Variants in YTHDC2 observed in about 807,000 individuals in gnomAD.
The protein encoded by YTHDC2 is 3'-5' RNA helicase YTHDC2.
A neutral mutation model predicts 174.9 loss-of-function variants in YTHDC2; 45 were observed. The observed-to-expected ratio is 0.26, with a 90% confidence interval of 0.20 to 0.33. YTHDC2 has a LOEUF of 0.33. Among genes scored for constraint, YTHDC2 ranks in the 10% least tolerant of loss-of-function variants. The probability of loss-of-function intolerance (pLI) is 1.00; values close to 1 mark genes in which losing one functional copy is unlikely to be tolerated. For missense variants in YTHDC2, 1,650 were observed against 1,723.7 expected (o/e 0.96, Z 0.76); for synonymous variants, 657 against 574.5 (o/e 1.14, Z -2.05).
chr5:113,530,822 C>A (rs1289399490), intron 4 of YTHDC2, among the ~76,000 whole-genome samples: 1 of 151,058 alleles, frequency 6.6e-6, no homozygotes, highest in Non-Finnish European at 1.5e-5. Context: ...TGTTATTTTT[C>A]TTTCTCTGTA....
intron 17 of YTHDC2, 125 bp downstream of exon 17, chr5:113,556,259 A>G (rs755556508): frequency 1.4e-5 from 7 of 498,268 alleles, no homozygotes; most frequent in Non-Finnish European, 2.4e-5. Context: ...AAATTTTTAT[A>G]TTATTTTTGC....
At chr5:113,561,298 C>A (rs1469343445) in intron 18 of YTHDC2, 113 bp downstream of exon 18, 2 of 730,176 alleles carry the variant, frequency 2.7e-6, no homozygotes, top group East Asian at 2.8e-5. Flanking sequence ...CAAAATTATT[C>A]AATATATATT....
chr5:113,584,737 G>C (rs1778581729), intron 26 of YTHDC2, among the ~76,000 whole-genome samples: 1 of 150,224 alleles, frequency 6.7e-6, no homozygotes, highest in Non-Finnish European at 1.5e-5. Flanking sequence ...CATGTAGGTA[G>C]GCTGTTTATT....
At chr5:113,579,871 A>G in intron 24 of YTHDC2, 176 bp downstream of exon 24, 1 of 985,384 alleles carries the variant, frequency 1.0e-6, no homozygotes, top group Non-Finnish European at 1.2e-6. Context: ...GTTTATTCCA[A>G]CAGAGGACTT....
At chr5:113,535,204 A>G (rs1322172455) in intron 6 of YTHDC2, among the ~76,000 whole-genome samples, 1 of 152,198 alleles carries the variant, frequency 6.6e-6, no homozygotes, top group Non-Finnish European at 1.5e-5. Flanking sequence ...TCTGTTGAAC[A>G]TGTACAGACT....
intron 26 of YTHDC2, among the ~76,000 whole-genome samples, chr5:113,589,434 T>C (rs1231439374): frequency 6.9e-6 from 1 of 145,588 alleles, no homozygotes; most frequent in Non-Finnish European, 1.5e-5. Flanking sequence ...TATATATATG[T>C]ATATATATCT....
chr5:113,551,548 A>G (rs937696435), intron 12 of YTHDC2, among the ~76,000 whole-genome samples: 2 of 152,114 alleles, frequency 1.3e-5, no homozygotes, highest in African/African-American at 4.8e-5. Context: ...CTTAAAATTT[A>G]TAAGAGCTGA....
chr5:113,591,334 A>AT, intron 27 of YTHDC2, 90 bp downstream of exon 27: 2 of 1,315,004 alleles, frequency 1.5e-6, no homozygotes, highest in Non-Finnish European at 2.2e-6. Flanking sequence ...TTTTCATTGC[A>AT]TCAGAATGCA....
intron 16 of YTHDC2, among the ~76,000 whole-genome samples, chr5:113,555,035 T>C (rs1580568965): frequency 6.6e-6 from 1 of 151,908 alleles, no homozygotes; most frequent in Admixed American, 6.6e-5. Context: ...TGCTTTATAA[T>C]TGAATAAAGG....
At chr5:113,529,267 A>G (rs1774490987) in intron 4 of YTHDC2, among the ~76,000 whole-genome samples, 1 of 152,198 alleles carries the variant, frequency 6.6e-6, no homozygotes, top group Non-Finnish European at 1.5e-5. Context: ...AAATTTACGG[A>G]TGTTAATCTA....
At chr5:113,523,584 A>G (rs1751619491) in intron 2 of YTHDC2, among the ~76,000 whole-genome samples, 1 of 152,132 alleles carries the variant, frequency 6.6e-6, no homozygotes, top group Non-Finnish European at 1.5e-5. Flanking sequence ...GTTAAATTTT[A>G]TTTCATCTTT....
At chr5:113,520,325 G>T (rs1034730763) in intron 2 of YTHDC2, among the ~76,000 whole-genome samples, 2 of 152,030 alleles carry the variant, frequency 1.3e-5, no homozygotes, top group African/African-American at 4.8e-5. Context: ...TGTTTTTTAT[G>T]AAACTAGTAT....
chr5:113,539,131 C>A lies in YTHDC2; in HGVS notation c.1160C>A (p.Thr387Asn). ...EMFLEDILRT[T>N]GYTNKEMLKY... Reference sequence around the variant, plus strand: ...TTTCTGGAAGATATTTTAAGAACAACTGGATATACAAACAAAGAAATGTTA... The same window carrying A: ...TTTCTGGAAGATATTTTAAGAACAAATGGATATACAAACAAAGAAATGTTA... Residue 387 changes from threonine to asparagine, a missense_variant, in exon 8 of 30, where the codon ACT (threonine) becomes AAT (asparagine). Around this residue, in one of 5 missense-constraint regions of YTHDC2, gnomAD observed 411 missense variants for 380.6 expected, o/e 1.08. Coordinates refer to ENST00000161863, the MANE Select transcript of YTHDC2 (RefSeq NM_022828.5). 7.0e-7 allele frequency: 1 copy of A among 1,432,236 alleles called. No homozygotes were observed. 88.7% of individuals were successfully genotyped at this position (1,432,236 alleles called of 1,614,324 possible).
chr5:113,589,913 A>G (rs908991134), intron 26 of YTHDC2, among the ~76,000 whole-genome samples: 1 of 151,652 alleles, frequency 6.6e-6, no homozygotes, highest in Non-Finnish European at 1.5e-5. Context: ...TTTTTCTTTT[A>G]CTTTTCTTTC....
At chr5:113,580,837 A>G (rs1406041294) in intron 24 of YTHDC2, among the ~76,000 whole-genome samples, 3 of 151,840 alleles carry the variant, frequency 2.0e-5, no homozygotes, top group Non-Finnish European at 4.4e-5. Flanking sequence ...ATCTTTCTTA[A>G]TTCTTTCTCT....
rs758300367 is a variant in YTHDC2, at chr5:113,553,622, G to A, written c.1900G>A (p.Glu634Lys). 7 of 1,613,328 alleles carry A rather than the reference G, an allele frequency of 4.3e-6. No individual in the cohort carries two copies. Among genetic ancestry groups the A allele is most frequent in the South Asian group, 1.1e-5 (1 of 91,066 alleles). The change falls in exon 14 of 30, where the codon GAA (glutamate) becomes AAA (lysine). Residue 634 changes from glutamate (E) to lysine (K), a missense_variant. Glu to Lys is a moderately conservative substitution (Grantham distance 56, BLOSUM62 1). Coordinates refer to ENST00000161863, the MANE Select transcript of YTHDC2 (RefSeq NM_022828.5). ...ACTAATTTTTCTGCCTGGATATGAC[G>A]AAATTGTTGGACTGAGAGATCGCAT... ...AVLIFLPGYDEIVGLRDRILF... is the reference protein window; with the variant it reads ...AVLIFLPGYDKIVGLRDRILF...
chr5:113,575,029 A>G lies in YTHDC2; in HGVS notation c.3245-4557A>G, dbSNP rs576653606. 5.3e-5 allele frequency among the ~76,000 whole-genome samples: 8 copies of G among 151,480 alleles called. No homozygotes were observed. The South Asian group carries it at 1.0e-3, about 20-fold the overall frequency. On this transcript the variant is annotated intron_variant, in intron 23 of 29. Transcript: ENST00000161863. ...CCTGTGTGGGCTGTCGCCTTCACCT[A>G]CTTTTCTTCATTCTCCATGGGTTGA...
At chr5:113,514,806 A>T (rs13356509) in intron 1 of YTHDC2, among the ~76,000 whole-genome samples, 15,351 of 152,292 alleles carry the variant, frequency 0.1, 1,231 homozygotes, top group African/African-American at 0.22. Context: ...AAATAGTGAA[A>T]TACGAATTCT....
At chr5:113,532,273 CT>C (rs1029319079) in intron 4 of YTHDC2, among the ~76,000 whole-genome samples, 9 of 151,364 alleles carry the variant, frequency 5.9e-5, no homozygotes, top group South Asian at 2.1e-4. Context: ...TTGTGTAAAA[CT>C]TTTTTTTTCT....
Sources: allele counts gnomAD v4.1 joint callset (sites outside exome capture counted in the v4.1 genomes callset), GRCh38; gene constraint gnomAD v4.1.1; regional missense constraint gnomAD v4.1.1; transcripts MANE v1.5; gene names NCBI Gene and HGNC (gene_info 2026-07-23, HGNC 2026-07-21).